The following PIK3C2G variants were observed in gnomAD, a reference collection of about 807,000 sequenced individuals.
PIK3C2G encodes the protein phosphatidylinositol 3-kinase C2 domain-containing subunit gamma.
Under a neutral mutation model 181.1 loss-of-function variants are expected in PIK3C2G, and 168 were observed. The ratio of observed to expected loss-of-function variants is 0.93; its 90% CI spans 0.82 to 1.05. The LOEUF is 1.05. Among genes scored for constraint, PIK3C2G ranks in the 50% least tolerant of loss-of-function variants. The pLI, the probability that PIK3C2G is intolerant of heterozygous loss-of-function variation, is 0.00. For synonymous variants in PIK3C2G, 573 were observed against 592.2 expected (o/e 0.97, Z 0.47); for missense variants, 1,869 against 1,732.8 (o/e 1.08, Z -1.40).
chr12:18,506,310 T>G (rs1324477587), intron 24 of PIK3C2G, among the ~76,000 whole-genome samples: 1 of 152,034 alleles, frequency 6.6e-6, no homozygotes, highest in African/African-American at 2.4e-5. Context: ...GGAGGCCCAA[T>G]CAGGTAGGGC....
the PIK3C2G span, chr12:18,699,984 T>G: frequency 6.3e-7 from 1 of 1,581,410 alleles, no homozygotes; most frequent in Non-Finnish European, 8.6e-7. Context: ...TACATTTTTA[T>G]GCTAATCATT....
chr12:18,337,141 C>T (rs943165756), intron 8 of PIK3C2G, among the ~76,000 whole-genome samples: 3 of 151,720 alleles, frequency 2.0e-5, no homozygotes, highest in African/African-American at 7.3e-5. Flanking sequence ...CAATTGTTAA[C>T]GATAAAGACA....
chr12:18,469,353 C>T (rs1163070103), intron 18 of PIK3C2G, among the ~76,000 whole-genome samples: 1 of 152,032 alleles, frequency 6.6e-6, no homozygotes, highest in Non-Finnish European at 1.5e-5. Context: ...ATGATTATTT[C>T]TTACAGGAAA....
At chr12:18,688,860 G>C in the PIK3C2G span, among the ~76,000 whole-genome samples, 7 of 151,994 alleles carry the variant, frequency 4.6e-5, no homozygotes, top group African/African-American at 1.7e-4. Flanking sequence ...GAAGATATAA[G>C]CCTAAAAACG....
At chr12:18,567,512 A>T (rs1400272019) in intron 29 of PIK3C2G, among the ~76,000 whole-genome samples, 1 of 152,120 alleles carries the variant, frequency 6.6e-6, no homozygotes, top group Admixed American at 6.5e-5. Context: ...CAAAACAAGT[A>T]TAGAACCTTG....
chr12:18,443,932 A>T (rs1262347592), intron 18 of PIK3C2G, among the ~76,000 whole-genome samples: 4 of 152,176 alleles, frequency 2.6e-5, no homozygotes, highest in Non-Finnish European at 5.9e-5. Flanking sequence ...CCACTTCAAC[A>T]TTCCCAATTC....
intron 3 of PIK3C2G, 144 bp downstream of exon 3, chr12:18,287,073 C>A (rs780221342): frequency 3.9e-4 from 161 of 414,846 alleles, no homozygotes; most frequent in Non-Finnish European, 6.3e-4. Flanking sequence ...AATTTTTTGA[C>A]AAATTAGTTC....
At chr12:18,547,057 A>C (rs1438206726) in intron 26 of PIK3C2G, among the ~76,000 whole-genome samples, 1 of 151,976 alleles carries the variant, frequency 6.6e-6, no homozygotes, top group Non-Finnish European at 1.5e-5. Context: ...GTTAGCAGTA[A>C]TTATTTTCCT....
the PIK3C2G span, among the ~76,000 whole-genome samples, chr12:18,722,900 T>G: frequency 6.6e-6 from 1 of 151,990 alleles, no homozygotes; most frequent in Admixed American, 6.6e-5. Context: ...CACATTTAAT[T>G]TTCATAGATA....
chr12:18,509,595 T>C (rs1324295873), intron 24 of PIK3C2G, among the ~76,000 whole-genome samples: 1 of 152,198 alleles, frequency 6.6e-6, no homozygotes, highest in Non-Finnish European at 1.5e-5. Flanking sequence ...ACTCTCTCAT[T>C]TGGAATCTAT....
chr12:18,247,429 G>C (rs903538619), upstream of PIK3C2G, among the ~76,000 whole-genome samples: 2 of 152,158 alleles, frequency 1.3e-5, no homozygotes, highest in Admixed American at 1.3e-4. Context: ...TTTAGGAGTG[G>C]AGGTTTAATC....
intron 1 of PIK3C2G, among the ~76,000 whole-genome samples, chr12:18,262,392 G>GA (rs1948282563): frequency 1.3e-5 from 2 of 152,060 alleles, no homozygotes; most frequent in Non-Finnish European, 2.9e-5. Flanking sequence ...GACTCAGAGA[G>GA]CGAGGTTAAA....
At chr12:18,262,535 A>G (rs1004582184) in intron 1 of PIK3C2G, among the ~76,000 whole-genome samples, 1 of 151,832 alleles carries the variant, frequency 6.6e-6, no homozygotes, top group Non-Finnish European at 1.5e-5. Context: ...TGCCATCTGA[A>G]CCAGATAAAA....
Position 18,405,397 on chromosome 12 carries a change from GTGTTGT to G in PIK3C2G, c.2315+5586_2315+5591del, listed in dbSNP as rs58282294. 9.0e-3 allele frequency among the ~76,000 whole-genome samples: 1,258 copies of G among 139,860 alleles called. 14 individuals are homozygous for G. Among genetic ancestry groups the G allele is most frequent in the African/African-American group, 0.033 (1,152 of 34,590 alleles). The allele number at this position is 139,860 out of a possible 152,430, so 91.8% of individuals were successfully genotyped here. A position where few individuals can be genotyped will look rare whatever the true frequency, so the allele number is the denominator to read the frequency against. ...GGAACTCTGGAGAACAGCAACATTT[GTGTTGT>G]TGTTGTTGTTGTTGTTGTTGTTGTT... On this transcript the variant is annotated intron_variant, in intron 16 of 32. Coordinates refer to ENST00000538779, the MANE Select transcript of PIK3C2G (RefSeq NM_001288772.2).
chr12:18,333,461 G>A (rs776958179), intron 8 of PIK3C2G, among the ~76,000 whole-genome samples: 73 of 151,800 alleles, frequency 4.8e-4, no homozygotes, highest in Admixed American at 1.1e-3. Flanking sequence ...CGACAGGCCC[G>A]GTGTGTGATG....
intron 24 of PIK3C2G, among the ~76,000 whole-genome samples, chr12:18,508,857 C>T (rs1031186352): frequency 5.9e-5 from 9 of 152,022 alleles, no homozygotes; most frequent in African/African-American, 1.9e-4. Context: ...ATAAAATGCT[C>T]CAATACCAAA....
At chr12:18,441,931 GTCTA>G (rs1017644847) in intron 18 of PIK3C2G, among the ~76,000 whole-genome samples, 3 of 151,848 alleles carry the variant, frequency 2.0e-5, no homozygotes, top group African/African-American at 7.3e-5. Flanking sequence ...AATTTCCTAC[GTCTA>G]TCTGTGTATT....
chr12:18,414,744 GT>G (rs1945076210), intron 16 of PIK3C2G, among the ~76,000 whole-genome samples: 1 of 152,158 alleles, frequency 6.6e-6, no homozygotes, highest in South Asian at 2.1e-4. Flanking sequence ...TTTAATACAT[GT>G]TGACCTATAT....
At chr12:18,619,065 A>G (rs1948729211) in intron 31 of PIK3C2G, among the ~76,000 whole-genome samples, 1 of 151,290 alleles carries the variant, frequency 6.6e-6, no homozygotes, top group Non-Finnish European at 1.5e-5. Context: ...ACTTAGTGAA[A>G]GACATAAATT....
Sources: allele counts gnomAD v4.1 joint callset (sites outside exome capture counted in the v4.1 genomes callset), GRCh38; gene constraint gnomAD v4.1.1; transcripts MANE v1.5; gene names NCBI Gene and HGNC (gene_info 2026-07-23, HGNC 2026-07-21).